Variants in MEGF10 observed in about 807,000 individuals in gnomAD.
MEGF10 encodes the protein multiple epidermal growth factor-like domains protein 10.
A neutral mutation model predicts 147.5 loss-of-function variants in MEGF10; 86 were observed. The observed-to-expected ratio is 0.58, with a 90% CI of 0.49 to 0.70. MEGF10 has a LOEUF of 0.70. Ranked by LOEUF, MEGF10 falls within the 30% of genes least tolerant of loss-of-function variation. MEGF10 has a pLI of 0.00. For synonymous variants in MEGF10, 478 were observed against 525.5 expected, an observed-to-expected ratio of 0.91 and a Z score of 1.24; for missense variants, 1,329 against 1,487.3, an observed-to-expected ratio of 0.89 and a Z score of 1.75.
intron 13 of MEGF10, among the ~76,000 whole-genome samples, chr5:127,426,680 C>G (rs1765219428): frequency 6.6e-6 from 1 of 152,102 alleles, no homozygotes; most frequent in Non-Finnish European, 1.5e-5. Flanking sequence ...TTTGTGTATA[C>G]TTATGTATGT....
chr5:127,410,306 T>C, intron 8 of MEGF10, 83 bp from the exon 9 acceptor site: 1 of 1,348,444 alleles, frequency 7.4e-7, no homozygotes, highest in Non-Finnish European at 1.0e-6. Context: ...GATTTATGCA[T>C]AACAAAGCCA....
intron 5 of MEGF10, among the ~76,000 whole-genome samples, chr5:127,386,148 C>G (rs910421649): frequency 1.3e-5 from 2 of 152,162 alleles, no homozygotes; most frequent in Non-Finnish European, 2.9e-5. Flanking sequence ...AAACACCTGA[C>G]CTGCTCAGTT....
chr5:127,428,464 T>C (rs1164922997), intron 13 of MEGF10, among the ~76,000 whole-genome samples: 1 of 152,134 alleles, frequency 6.6e-6, no homozygotes, highest in East Asian at 1.9e-4. Context: ...GAATAACTTC[T>C]CTATACTACA....
chr5:127,450,948 AG>A (rs947295451), intron 22 of MEGF10, among the ~76,000 whole-genome samples: 11 of 152,094 alleles, frequency 7.2e-5, no homozygotes, highest in African/African-American at 2.6e-4. Context: ...CAGTAGAGAC[AG>A]GGTTTCTCCA....
intron 13 of MEGF10, among the ~76,000 whole-genome samples, chr5:127,423,758 T>C (rs1319251140): frequency 6.6e-6 from 1 of 152,192 alleles, no homozygotes; most frequent in African/African-American, 2.4e-5. Flanking sequence ...CGTTATAATC[T>C]TTATATTTTT....
intron 5 of MEGF10, among the ~76,000 whole-genome samples, chr5:127,378,399 A>G (rs966436622): frequency 1.3e-5 from 2 of 152,164 alleles, no homozygotes; most frequent in African/African-American, 4.8e-5. Context: ...TGAACAGAGG[A>G]TGGGGCAGCC....
At chr5:127,351,721 C>G (rs182964366) in intron 4 of MEGF10, among the ~76,000 whole-genome samples, 1 of 152,184 alleles carries the variant, frequency 6.6e-6, no homozygotes, top group Non-Finnish European at 1.5e-5. Context: ...ACAAGGGCAT[C>G]TTTATTCTGC....
the MEGF10 span, among the ~76,000 whole-genome samples, chr5:127,257,569 C>A: frequency 1.3e-5 from 2 of 152,186 alleles, no homozygotes; most frequent in Non-Finnish European, 2.9e-5. Flanking sequence ...CAAAAAGTAT[C>A]TGAGAAAAGT....
chr5:127,307,789 A>G (rs1760080808), intron 1 of MEGF10, among the ~76,000 whole-genome samples: 1 of 152,200 alleles, frequency 6.6e-6, no homozygotes, highest in African/African-American at 2.4e-5. Context: ...AAAAAAAGGA[A>G]ATTGTTGGCT....
chr5:127,267,098 C>G, the MEGF10 span, among the ~76,000 whole-genome samples: 1 of 152,204 alleles, frequency 6.6e-6, no homozygotes, highest in African/African-American at 2.4e-5. Flanking sequence ...TACAGCCCAT[C>G]AATACCTAAT....
the MEGF10 span, among the ~76,000 whole-genome samples, chr5:127,247,851 T>C: frequency 5.3e-5 from 8 of 152,176 alleles, no homozygotes; most frequent in South Asian, 6.2e-4. Flanking sequence ...AGGGTAGGAT[T>C]CCAGAGAGGG....
chr5:127,410,695 A>G lies in MEGF10; in HGVS notation c.1130+94A>G, dbSNP rs1399703530. 3.4e-6 allele frequency: 4 copies of G among 1,179,480 alleles called. No homozygotes were observed. The African/African-American group carries it at 6.1e-5, about 18-fold the overall frequency. 73.1% of individuals were successfully genotyped at this position (1,179,480 alleles called of 1,614,324 possible). On this transcript the variant is annotated intron_variant, in intron 9 of 24. Transcript: ENST00000503335. ...AGGAGGGATTGATAGAGTGATTCTCACCCCAAGCCCCCTCCTGCCTCTAGG... is the reference window on the plus strand; with the variant it reads ...AGGAGGGATTGATAGAGTGATTCTCGCCCCAAGCCCCCTCCTGCCTCTAGG...
intron 8 of MEGF10, among the ~76,000 whole-genome samples, chr5:127,403,315 A>G (rs1764199023): frequency 6.6e-6 from 1 of 152,136 alleles, no homozygotes; most frequent in Non-Finnish European, 1.5e-5. Flanking sequence ...TTTTGTGGGC[A>G]CATAGTAGTT....
intron 1 of MEGF10, among the ~76,000 whole-genome samples, chr5:127,318,162 G>T (rs1222430227): frequency 6.6e-6 from 1 of 152,124 alleles, no homozygotes; most frequent in Admixed American, 6.6e-5. Context: ...CAAGGAGAAG[G>T]TACCATCTAT....
rs138804069 is a variant in MEGF10 at position 127,408,593 on chromosome 5, G to A, written c.918-1796G>A. Among the ~76,000 whole-genome samples the A allele has an allele frequency of 7.4e-3, 1,129 of 152,278 alleles. 13 individuals carry two copies. The highest frequency in any genetic ancestry group is 9.8e-3 in the Non-Finnish European group (665 of 68,022). ...ACCCATGTATAACTTTTAGGCACAC[G>A]TTTTATTTTATGCTGAGTATTAGGT... On this transcript the variant is annotated intron_variant, in intron 8 of 24. Transcript: ENST00000503335.
intron 2 of MEGF10, among the ~76,000 whole-genome samples, chr5:127,332,513 C>T (rs752751145): frequency 1.1e-4 from 17 of 152,142 alleles, no homozygotes; most frequent in Admixed American, 2.0e-4. Flanking sequence ...TGGTTTCTCA[C>T]TCAGTATTAT....
chr5:127,371,648 C>T (rs1252207885), intron 5 of MEGF10, among the ~76,000 whole-genome samples: 2 of 152,148 alleles, frequency 1.3e-5, no homozygotes, highest in Non-Finnish European at 2.9e-5. Context: ...GAGCTAAGGG[C>T]TCAGACTGAA....
chr5:127,372,511 C>A (rs1762883537), intron 5 of MEGF10, among the ~76,000 whole-genome samples: 1 of 152,188 alleles, frequency 6.6e-6, no homozygotes, highest in African/African-American at 2.4e-5. Flanking sequence ...CTAACGTCCT[C>A]TTTCTCTTCC....
intron 5 of MEGF10, among the ~76,000 whole-genome samples, chr5:127,391,608 C>CA (rs1486398270): frequency 6.6e-6 from 1 of 150,798 alleles, no homozygotes; most frequent in Non-Finnish European, 1.5e-5. Flanking sequence ...GGTTTCCACA[C>CA]AAAGGGAGAG....
Sources: allele counts gnomAD v4.1 joint callset (sites outside exome capture counted in the v4.1 genomes callset), GRCh38; gene constraint gnomAD v4.1.1; transcripts MANE v1.5; gene names NCBI Gene and HGNC (gene_info 2026-07-23, HGNC 2026-07-21).